The following RBMS3 variants were observed in gnomAD, a reference collection of about 807,000 sequenced individuals.
RBMS3 encodes the protein RNA binding motif single stranded interacting protein 3, also known as RNA-binding motif, single-stranded-interacting protein 3.
A neutral mutation model predicts 66.8 loss-of-function variants in RBMS3; 27 were observed. That is an observed-to-expected ratio of 0.40 (90% CI 0.30 to 0.56). RBMS3 has a LOEUF of 0.56. RBMS3 is among the 20% of genes least tolerant of loss of function. RBMS3 has a pLI of 0.40. For missense variants in RBMS3, 513 were observed against 549.5 expected, an observed-to-expected ratio of 0.93 and a Z score of 0.66; for synonymous variants, 188 against 183.0, an observed-to-expected ratio of 1.03 and a Z score of -0.22.
At chr3:29,789,249 C>T (rs62237101) in intron 6 of RBMS3, among the ~76,000 whole-genome samples, 34,693 of 151,744 alleles carry the variant, frequency 0.23, 4,742 homozygotes, top group Non-Finnish European at 0.31. Context: ...TGGTGATAGA[C>T]GTATTTATCC....
At chr3:29,403,707 C>A (rs1038738120) in intron 1 of RBMS3, among the ~76,000 whole-genome samples, 4 of 152,022 alleles carry the variant, frequency 2.6e-5, no homozygotes, top group African/African-American at 4.8e-5. Context: ...ATTATTCCTT[C>A]TTTTCTTTTC....
chr3:29,696,723 C>T lies in RBMS3; in HGVS notation c.400-42997C>T, dbSNP rs200655794. Among the ~76,000 whole-genome samples the T allele has an allele frequency of 5.3e-5, 8 of 152,218 alleles. No individual in the cohort carries two copies. In the East Asian group the frequency reaches 7.7e-4, roughly 15 times the overall value. ...ATGCTTCTGGGGAGGTTCAGGAGCA[C>T]GTGAAGAAACAACACTGATAGATGG... On this transcript the variant is annotated intron_variant, in intron 4 of 14. Coordinates refer to ENST00000383767, the MANE Select transcript of RBMS3 (RefSeq NM_001003793.3).
At chr3:29,610,758 A>T (rs2149132864) in intron 4 of RBMS3, among the ~76,000 whole-genome samples, 1 of 152,208 alleles carries the variant, frequency 6.6e-6, no homozygotes, top group South Asian at 2.1e-4. Context: ...TGCTGACCCC[A>T]GCTGTGAATA....
At chr3:29,764,507 T>C (rs9853402) in intron 6 of RBMS3, among the ~76,000 whole-genome samples, 74,083 of 151,684 alleles carry the variant, frequency 0.49, 18,850 homozygotes, top group African/African-American at 0.63. Context: ...GGATACCTAT[T>C]TATATAGAAG....
chr3:29,489,224 G>A (rs2043435684), intron 3 of RBMS3, among the ~76,000 whole-genome samples: 1 of 152,088 alleles, frequency 6.6e-6, no homozygotes, highest in South Asian at 2.1e-4. Context: ...AAATCAAGAA[G>A]TATAGCACAG....
intron 6 of RBMS3, among the ~76,000 whole-genome samples, chr3:29,812,956 A>T (rs1289954341): frequency 6.6e-6 from 1 of 152,084 alleles, no homozygotes; most frequent in Non-Finnish European, 1.5e-5. Flanking sequence ...ACATATGCAT[A>T]TATAAAATAT....
At chr3:29,644,217 C>G (rs113188159) in intron 4 of RBMS3, among the ~76,000 whole-genome samples, 122 of 152,234 alleles carry the variant, frequency 8.0e-4, no homozygotes, top group African/African-American at 2.6e-3. Flanking sequence ...CAGCATAACG[C>G]ATTAGATGGA....
At chr3:29,479,564 T>C (rs1440577875) in intron 2 of RBMS3, among the ~76,000 whole-genome samples, 1 of 152,106 alleles carries the variant, frequency 6.6e-6, no homozygotes, top group Non-Finnish European at 1.5e-5. Flanking sequence ...GGTGCTTTCA[T>C]ACAGGCTGTG....
At chr3:29,674,048 A>T (rs2051127047) in intron 4 of RBMS3, among the ~76,000 whole-genome samples, 2 of 152,218 alleles carry the variant, frequency 1.3e-5, no homozygotes, top group African/African-American at 4.8e-5. Context: ...CAGAAAGCTT[A>T]TCCATCATGA....
intron 5 of RBMS3, among the ~76,000 whole-genome samples, chr3:29,757,311 G>A (rs1366600726): frequency 6.6e-6 from 1 of 152,208 alleles, no homozygotes; most frequent in Admixed American, 6.5e-5. Context: ...TTGCCATGCA[G>A]AAAGCATGGG....
chr3:29,783,369 G>T (rs145538775), intron 6 of RBMS3, among the ~76,000 whole-genome samples: 1 of 152,094 alleles, frequency 6.6e-6, no homozygotes, highest in Non-Finnish European at 1.5e-5. Flanking sequence ...AATCCTACCC[G>T]CTAGAAGGGA....
At chr3:29,424,250 G>C (rs2040856487) in intron 1 of RBMS3, among the ~76,000 whole-genome samples, 1 of 152,176 alleles carries the variant, frequency 6.6e-6, no homozygotes, top group African/African-American at 2.4e-5. Context: ...AGTAATTACA[G>C]GGTGACCATA....
chr3:29,936,022 T>C, intron 10 of RBMS3, 64 bp from the exon 11 acceptor site: 1 of 1,323,638 alleles, frequency 7.6e-7, no homozygotes, highest in Non-Finnish European at 1.1e-6. Flanking sequence ...TTACAGTGTT[T>C]ATTTGTAAGA....
At chr3:29,374,695 A>C (rs2038377135) in intron 1 of RBMS3, among the ~76,000 whole-genome samples, 1 of 152,220 alleles carries the variant, frequency 6.6e-6, no homozygotes, top group Non-Finnish European at 1.5e-5. Flanking sequence ...TCAACTCGTG[A>C]TATTTTCAAT....
chr3:29,454,535 C>T (rs17023578), intron 2 of RBMS3, among the ~76,000 whole-genome samples: 3,617 of 152,256 alleles, frequency 0.024, 146 homozygotes, highest in African/African-American at 0.082. Context: ...CTCTAATCCG[C>T]GTCACCACCC....
chr3:29,514,950 G>A (rs1451660644), intron 3 of RBMS3, among the ~76,000 whole-genome samples: 1 of 152,024 alleles, frequency 6.6e-6, no homozygotes, highest in Non-Finnish European at 1.5e-5. Flanking sequence ...CGAGGTAGAT[G>A]TCAACGTTAC....
chr3:29,331,740 A>C (rs1357100906), intron 1 of RBMS3, among the ~76,000 whole-genome samples: 1 of 149,890 alleles, frequency 6.7e-6, no homozygotes, highest in Admixed American at 6.7e-5. Context: ...TTTTTTCCAG[A>C]TTCACAGGGG....
intron 4 of RBMS3, among the ~76,000 whole-genome samples, chr3:29,695,012 C>G (rs919446164): frequency 2.0e-5 from 3 of 152,188 alleles, no homozygotes; most frequent in Admixed American, 6.5e-5. Flanking sequence ...GTGAGAGTCT[C>G]TCATTGCCCA....
At chr3:29,339,235 A>G (rs1164026243) in intron 1 of RBMS3, among the ~76,000 whole-genome samples, 1 of 152,200 alleles carries the variant, frequency 6.6e-6, no homozygotes, top group Admixed American at 6.5e-5. Flanking sequence ...TTTCACCGAC[A>G]CTAAATTCAC....
Sources: gnomAD v4.1 joint callset for allele counts (sites outside exome capture counted in the v4.1 genomes callset) on GRCh38, gnomAD v4.1.1 for gene constraint, MANE v1.5 for transcripts, NCBI Gene and HGNC (gene_info 2026-07-23, HGNC 2026-07-21) for gene names.